ADGRG7: variants seen among roughly 807,000 people sequenced by gnomAD.
ADGRG7 encodes the protein adhesion G protein-coupled receptor G7.
ADGRG7 carries 82 observed loss-of-function variants against 88.6 expected under a neutral mutation model. The observed-to-expected ratio is 0.93, with a 90% CI of 0.77 to 1.11. The LOEUF is 1.11. Ranked by LOEUF, ADGRG7 falls within the 50% of genes most tolerant of loss-of-function variation. ADGRG7 has a pLI of 0.00. For missense variants in ADGRG7, 945 were observed against 953.4 expected (o/e 0.99, Z 0.12); for synonymous variants, 381 against 345.2 (o/e 1.10, Z -1.15).
At position 100,646,021 on chromosome 3, in the gene ADGRG7, G is replaced by A. The variant is rs372313784; in HGVS notation, c.1023G>A (p.Ser341=). Residue 341 remains serine, a synonymous_variant, in exon 9 of 16, where the codon TCG becomes TCA. Coordinates refer to ENST00000273352, the MANE Select transcript of ADGRG7 (RefSeq NM_032787.3). ...LFQSKTFTAK[S]DFSQKIISSK... Reference sequence around the variant, plus strand: ...AATCAAAAACTTTTACAGCTAAATCGGATTTTAGTCAAAAAATTATCTCAA... The same window carrying A: ...AATCAAAAACTTTTACAGCTAAATCAGATTTTAGTCAAAAAATTATCTCAA... 66 of 1,613,788 alleles carry A rather than the reference G, an allele frequency of 4.1e-5. 1 individual carries two copies. In the African/African-American group the frequency reaches 6.5e-4, roughly 16 times the overall value.
At chr3:100,647,636 G>A (rs1290792650) in intron 10 of ADGRG7, among the ~76,000 whole-genome samples, 1 of 152,096 alleles carries the variant, frequency 6.6e-6, no homozygotes, top group African/African-American at 2.4e-5. Context: ...CAAGGTTCTT[G>A]TGCTGACCTT....
intron 15 of ADGRG7, among the ~76,000 whole-genome samples, chr3:100,687,635 CAT>C (rs1319863016): frequency 6.6e-6 from 1 of 152,138 alleles, no homozygotes; most frequent in African/African-American, 2.4e-5. Flanking sequence ...TTGAGATAAT[CAT>C]GTGGTTTTTG....
At chr3:100,652,350 A>C (rs897471463) in intron 11 of ADGRG7, among the ~76,000 whole-genome samples, 9 of 152,156 alleles carry the variant, frequency 5.9e-5, no homozygotes, top group African/African-American at 1.4e-4. Context: ...CATAATGGGC[A>C]AATAGACTTC....
At chr3:100,659,152 G>T (rs766997662) in intron 13 of ADGRG7, among the ~76,000 whole-genome samples, 5 of 152,090 alleles carry the variant, frequency 3.3e-5, no homozygotes, top group Admixed American at 6.5e-5. Context: ...GCCCATCAAG[G>T]CTGGGTGCAG....
Position 100,694,726 on chromosome 3 carries a change from C to T in ADGRG7, c.2137-18C>T, listed in dbSNP as rs887765926. On this transcript the variant is annotated intron_variant, in intron 15 of 15. Coordinates refer to ENST00000273352, the MANE Select transcript of ADGRG7 (RefSeq NM_032787.3). ...ATCTCAGCACTTACCCAACATTAAA[C>T]TTTTGTTCTATCTGCAGGGATTGCA... 6.2e-7 allele frequency: 1 copy of T among 1,609,288 alleles called. No homozygotes were observed. Among genetic ancestry groups the T allele is most frequent in the Non-Finnish European group, 8.5e-7 (1 of 1,176,778 alleles).
chr3:100,654,787 G>A, intron 11 of ADGRG7, 48 bp from the exon 12 acceptor site: 1 of 1,174,144 alleles, frequency 8.5e-7, no homozygotes, highest in Non-Finnish European at 1.2e-6. Flanking sequence ...GTTTTGTGCA[G>A]TTGTTGTGTT....
At position 100,646,030 on chromosome 3, in the gene ADGRG7, T is replaced by C; in HGVS notation, c.1032T>C (p.Ser344=). ...SKTFTAKSDF[S]QKIISSKTDE... ...CTTTTACAGCTAAATCGGATTTTAG[T>C]CAAAAAATTATCTCAAGCAAAACTG... Residue 344 remains serine, a synonymous_variant, in exon 9 of 16, where the codon AGT becomes AGC. Coordinates refer to ENST00000273352, the MANE Select transcript of ADGRG7 (RefSeq NM_032787.3). The C allele has an allele frequency of 1.2e-6, 2 of 1,613,916 alleles. No homozygotes were observed. Among genetic ancestry groups the C allele is most frequent in the South Asian group, 2.2e-5 (2 of 91,044 alleles).
Position 100,633,337 on chromosome 3 carries a change from T to A in ADGRG7, c.407T>A (p.Ile136Lys), listed in dbSNP as rs138834427. 12 of 1,589,516 alleles carry A rather than the reference T, an allele frequency of 7.5e-6. 1 individual carries two copies. In the South Asian group the frequency reaches 1.1e-4, roughly 15 times the overall value. Residue 136 changes from isoleucine to lysine, a missense_variant, in exon 4 of 16, where the codon ATA becomes AAA. Transcript: ENST00000273352. ...YGEIELQKVTIGNCNENLETL... is the reference protein window; with the variant it reads ...YGEIELQKVTKGNCNENLETL... The stretch of plus-strand genomic sequence containing the variant: ...GAGATAGAATTACAAAAAGTGACAA[T>A]AGGAAATTGCAATGAAAATCTGGAA...
chr3:100,615,330 G>A (rs917966787), intron 1 of ADGRG7, among the ~76,000 whole-genome samples: 1 of 152,170 alleles, frequency 6.6e-6, no homozygotes, highest in African/African-American at 2.4e-5. Flanking sequence ...TAAAAATACA[G>A]TCTTAAAGAT....
chr3:100,648,987 A>C (rs1707802941), intron 10 of ADGRG7, among the ~76,000 whole-genome samples: 1 of 152,214 alleles, frequency 6.6e-6, no homozygotes, highest in Non-Finnish European at 1.5e-5. Context: ...TCCTTTAAAA[A>C]ATTAACAGGG....
chr3:100,629,947 A>G (rs1347479137), intron 2 of ADGRG7, among the ~76,000 whole-genome samples: 1 of 152,096 alleles, frequency 6.6e-6, no homozygotes, highest in Non-Finnish European at 1.5e-5. Context: ...TTTTTTTGCA[A>G]ACTCACAGTC....
chr3:100,676,361 C>A (rs370259003), intron 15 of ADGRG7, among the ~76,000 whole-genome samples: 2 of 151,792 alleles, frequency 1.3e-5, no homozygotes, highest in East Asian at 1.9e-4. Flanking sequence ...CTTGACTCAC[C>A]GGTAATTGAG....
intron 14 of ADGRG7, 64 bp downstream of exon 14, chr3:100,659,907 T>C (rs2094943024): frequency 6.8e-7 from 1 of 1,462,442 alleles, no homozygotes; most frequent in Non-Finnish European, 9.4e-7. Flanking sequence ...CGCAGCACCA[T>C]AACACATCCA....
At chr3:100,629,547 A>G (rs575870260) in intron 1 of ADGRG7, 51 bp from the exon 2 acceptor site, 1 of 1,287,282 alleles carries the variant, frequency 7.8e-7, no homozygotes, top group Admixed American at 1.7e-5. Context: ...GCATGAAAGG[A>G]GAAATGAATC....
chr3:100,636,404 T>A (rs958403403), intron 5 of ADGRG7, among the ~76,000 whole-genome samples: 2 of 152,264 alleles, frequency 1.3e-5, no homozygotes, highest in Non-Finnish European at 2.9e-5. Context: ...TAAGAATATT[T>A]ACATTTTAGT....
intron 13 of ADGRG7, among the ~76,000 whole-genome samples, chr3:100,656,510 C>T (rs1227923057): frequency 6.6e-6 from 1 of 152,082 alleles, no homozygotes; most frequent in Admixed American, 6.5e-5. Context: ...TCCTGTGATT[C>T]CAGTGTGAAT....
At chr3:100,620,833 GTT>G (rs1297824111) in intron 1 of ADGRG7, among the ~76,000 whole-genome samples, 1 of 79,748 alleles carries the variant, frequency 1.3e-5, no homozygotes. Flanking sequence ...TAGGTATTAT[GTT>G]TTTTTTTTTT....
intron 12 of ADGRG7, 50 bp from the exon 13 acceptor site, chr3:100,655,848 TA>T (rs1197998506): frequency 9.4e-7 from 1 of 1,065,208 alleles, no homozygotes; most frequent in Admixed American, 1.7e-5. Flanking sequence ...CTTTTATAAT[TA>T]ATCCAAGTCT....
intron 14 of ADGRG7, among the ~76,000 whole-genome samples, chr3:100,666,430 T>C (rs1324622815): frequency 2.0e-5 from 3 of 152,136 alleles, no homozygotes; most frequent in Admixed American, 2.0e-4. Context: ...ATAGACAAGG[T>C]AAAGGATTAA....
Sources: allele counts gnomAD v4.1 joint callset (sites outside exome capture counted in the v4.1 genomes callset), GRCh38; gene constraint gnomAD v4.1.1; transcripts MANE v1.5; gene names NCBI Gene and HGNC (gene_info 2026-07-23, HGNC 2026-07-21).